The following DNHD1 variants were observed in gnomAD, a reference collection of about 807,000 sequenced individuals.
DNHD1 encodes dynein heavy chain domain-containing protein 1.
Under a neutral mutation model 458.1 loss-of-function variants are expected in DNHD1, and 383 were observed. The observed-to-expected ratio is 0.84, with a 90% CI of 0.77 to 0.91. DNHD1 has a LOEUF of 0.91. DNHD1 is among the 40% of genes least tolerant of loss of function. The pLI is 0.00. For synonymous variants in DNHD1, 2,203 were observed against 2,376.9 expected (o/e 0.93, Z 2.13); for missense variants, 5,336 against 5,866.1 (o/e 0.91, Z 2.95).
In DNHD1 at chr11:6,561,895, A is replaced by G. The variant is rs866900544; in HGVS notation, c.9520-1087A>G. On this transcript the variant is annotated intron_variant, in intron 28 of 42. Transcript: ENST00000254579. ...GGAAAGTAGCGTGCTAGGAGAGAGA[A>G]AAGAGATGAGATTGAAATGATGAGT... is the stretch of plus-strand genomic sequence containing the variant. Among the ~76,000 whole-genome samples, 21 of 152,330 alleles carry G rather than the reference A, an allele frequency of 1.4e-4. No individual in the cohort carries two copies. The Middle Eastern group carries it at 0.014, about 99-fold the overall frequency.
chr11:6,546,385 G>A lies in DNHD1; in HGVS notation c.5446G>A (p.Ala1816Thr). 6.4e-7 allele frequency: 1 copy of A among 1,552,100 alleles called. No homozygotes were observed. Among genetic ancestry groups the A allele is most frequent in the Non-Finnish European group, 8.7e-7 (1 of 1,147,070 alleles). Residue 1816 changes from alanine (A) to threonine (T), a missense_variant, in exon 21 of 43, where the codon GCC (alanine) becomes ACC (threonine). This residue lies in a region of DNHD1 where 3,932 missense variants were observed against 4,365.6 expected (regional missense o/e 0.90). Coordinates refer to ENST00000254579, the MANE Select transcript of DNHD1 (RefSeq NM_144666.3). ...VLRALSSAVPANLHLLLRPVA... is the reference protein window; with the variant it reads ...VLRALSSAVPTNLHLLLRPVA... ...GCGTGCCCTGAGCTCTGCTGTGCCTGCCAACCTGCACCTGCTGCTGCGGCC... is the reference window on the plus strand; with the variant it reads ...GCGTGCCCTGAGCTCTGCTGTGCCTACCAACCTGCACCTGCTGCTGCGGCC...
chr11:6,553,704 A>G (rs1853407322), intron 24 of DNHD1, among the ~76,000 whole-genome samples: 1 of 152,224 alleles, frequency 6.6e-6, no homozygotes, highest in Non-Finnish European at 1.5e-5. Flanking sequence ...ATATCCTAGT[A>G]ACAAAACATT....
rs1589881771 is a variant in DNHD1 at position 6,539,423 on chromosome 11, T to C, written c.3420+110T>C. Reference sequence around the variant, plus strand: ...ATGTGATTTAATGTGGGGTTGAGCCTGCTAACCTGCCTGAAGGGCAGGAAC... The same window carrying C: ...ATGTGATTTAATGTGGGGTTGAGCCCGCTAACCTGCCTGAAGGGCAGGAAC... On this transcript the variant is annotated intron_variant, in intron 17 of 42. Transcript: ENST00000254579. The C allele has an allele frequency of 5.0e-6, 4 of 805,836 alleles. No homozygotes were observed. The Admixed American group carries it at 6.8e-5, about 14-fold the overall frequency. The allele number at this position is 805,836 out of a possible 1,614,324, so 49.9% of individuals were successfully genotyped here. A position where few individuals can be genotyped will look rare whatever the true frequency, so the allele number is the denominator to read the frequency against.
chr11:6,563,768 G>A lies in DNHD1; in HGVS notation c.9928G>A (p.Gly3310Ser). Reference sequence around the variant, plus strand: ...GTTACATCTAATTCTGAAGGCTCCAGGTATGGACGATGCAGCCCTGCGGGC... The same window carrying A: ...GTTACATCTAATTCTGAAGGCTCCAAGTATGGACGATGCAGCCCTGCGGGC... Reference protein sequence around the residue: ...IKLHLILKAPGMDDAALRAVS... With the variant: ...IKLHLILKAPSMDDAALRAVS... Residue 3310 changes from glycine (G) to serine (S), a missense_variant, in exon 31 of 43, where the codon GGT becomes AGT. Gly to Ser is a moderately conservative substitution (Grantham distance 56). Transcript: ENST00000254579. 2 of 1,551,620 alleles carry A rather than the reference G, an allele frequency of 1.3e-6. No individual in the cohort carries two copies. The highest frequency in any genetic ancestry group is 1.7e-6 in the Non-Finnish European group (2 of 1,146,992).
chr11:6,508,652 G>T (rs1852273151), intron 4 of DNHD1: 1 of 528,364 alleles, frequency 1.9e-6, no homozygotes, highest in Non-Finnish European at 3.3e-6. Context: ...CTTGGAGCTG[G>T]CTAGGTGCCT....
chr11:6,565,323 C>T (rs569381576), intron 32 of DNHD1, among the ~76,000 whole-genome samples: 15 of 152,220 alleles, frequency 9.9e-5, no homozygotes, highest in Admixed American at 9.8e-4. Flanking sequence ...AGTGCCCTTA[C>T]AAGAGGCAGA....
intron 24 of DNHD1, among the ~76,000 whole-genome samples, chr11:6,550,114 A>T (rs561304305): frequency 6.6e-6 from 1 of 152,232 alleles, no homozygotes; most frequent in East Asian, 1.9e-4. Flanking sequence ...AATATCTACT[A>T]TGTGCTCTAT....
At position 6,549,238 on chromosome 11, in the gene DNHD1, G is replaced by A. The variant is rs142115532; in HGVS notation, c.7387+305G>A. 2.1e-4 allele frequency among the ~76,000 whole-genome samples: 32 copies of A among 152,216 alleles called. 1 individual carries two copies. In the South Asian group the frequency reaches 4.2e-3, roughly 20 times the overall value. ...GTTGGTACCTCAGACCCAACCCTGAGCTCATCATCTCCCCGCGGCCAAAAT... is the reference window on the plus strand; with the variant it reads ...GTTGGTACCTCAGACCCAACCCTGAACTCATCATCTCCCCGCGGCCAAAAT... On this transcript the variant is annotated intron_variant, in intron 24 of 42. Coordinates refer to ENST00000254579, the MANE Select transcript of DNHD1 (RefSeq NM_144666.3).
At position 6,571,001 on chromosome 11, in the gene DNHD1, G is replaced by A. The variant is rs576546890; in HGVS notation, c.13489G>A (p.Gly4497Ser). 1.0e-4 allele frequency: 160 copies of A among 1,600,540 alleles called. 1 individual carries two copies. Among genetic ancestry groups the A allele is most frequent in the Middle Eastern group, 5.0e-4 (3 of 6,000 alleles). Reference sequence around the variant, plus strand: ...GGCTCTAGAACTGAGCCAGTTGGTGGGCACGCTACAACGCGACCTTGATTG... The same window carrying A: ...GGCTCTAGAACTGAGCCAGTTGGTGAGCACGCTACAACGCGACCTTGATTG... ...TEALELSQLV[G>S]TLQRDLDCLL... Residue 4497 changes from glycine to serine, a missense_variant, in exon 42 of 43, where the codon GGC becomes AGC. Gly to Ser is a moderately conservative substitution (Grantham distance 56). This residue lies in a region of DNHD1 where 698 missense variants were observed against 664.9 expected (regional missense o/e 1.05). Transcript: ENST00000254579. The surrounding 1 kb of genome is among the most constrained non-coding windows in gnomAD (Gnocchi z 5.0).
intron 14 of DNHD1, among the ~76,000 whole-genome samples, chr11:6,538,084 A>G (rs1227360312): frequency 2.0e-5 from 3 of 152,230 alleles, no homozygotes; most frequent in Non-Finnish European, 2.9e-5. Flanking sequence ...CATCTCAGCC[A>G]TAGTAAAGCG....
Position 6,545,035 on chromosome 11 carries a change from G to A in DNHD1, c.4096G>A (p.Glu1366Lys). 6.4e-7 allele frequency: 1 copy of A among 1,551,898 alleles called. No individual in the cohort carries two copies. The highest frequency in any genetic ancestry group is 1.4e-5 in the African/African-American group (1 of 73,178). The change falls in exon 21 of 43, where the codon GAG becomes AAG. Residue 1366 changes from glutamate to lysine, a missense_variant. By Grantham distance (56) the Glu-to-Lys change is moderately conservative. Around this residue, in one of 4 missense-constraint regions of DNHD1, gnomAD observed 3,932 missense variants for 4,365.6 expected, o/e 0.90. Coordinates refer to ENST00000254579, the MANE Select transcript of DNHD1 (RefSeq NM_144666.3). This position sits in a 1 kb window ranked among gnomAD's most constrained non-coding sequence, Gnocchi z 4.9. ...FPRLFFLSDS[E>K]LVALLAARLE... ...CCGCCTCTTCTTCCTTAGTGACAGTGAGCTGGTAGCCCTGCTGGCTGCTCG... is the reference window on the plus strand; with the variant it reads ...CCGCCTCTTCTTCCTTAGTGACAGTAAGCTGGTAGCCCTGCTGGCTGCTCG...
chr11:6,529,171 T>G, intron 12 of DNHD1, 50 bp downstream of exon 12: 2 of 1,541,632 alleles, frequency 1.3e-6, no homozygotes, highest in South Asian at 1.2e-5. Flanking sequence ...TGTATGTCTA[T>G]TCACATGGCC....
At position 6,502,829 on chromosome 11, in the gene DNHD1, T is replaced by C; in HGVS notation, c.823T>C (p.Phe275Leu). 1 of 1,613,306 alleles carries C rather than the reference T, an allele frequency of 6.2e-7. No homozygotes were observed. Among genetic ancestry groups the C allele is most frequent in the Non-Finnish European group, 8.5e-7 (1 of 1,179,666 alleles). ...CACCGGCTTTTCACCTGAGACTTCCTTCCTGGATAGCCAGGTGATGACTGC... is the reference window on the plus strand; with the variant it reads ...CACCGGCTTTTCACCTGAGACTTCCCTCCTGGATAGCCAGGTGATGACTGC... The part of the protein sequence containing the change: ...SSTGFSPETS[F>L]LDSQVMTALK... The change falls in exon 4 of 43, where the codon TTC becomes CTC. Residue 275 changes from phenylalanine (F) to leucine (L), a missense_variant. By Grantham distance (22) the Phe-to-Leu change is conservative (BLOSUM62 0). Transcript: ENST00000254579.
chr11:6,521,699 C>A (rs1341511366), intron 10 of DNHD1, among the ~76,000 whole-genome samples: 2 of 152,162 alleles, frequency 1.3e-5, no homozygotes, highest in African/African-American at 4.8e-5. Context: ...AAATCAGATT[C>A]ATATAATTGA....
intron 7 of DNHD1, among the ~76,000 whole-genome samples, chr11:6,513,108 G>C (rs1249656645): frequency 6.6e-6 from 1 of 152,132 alleles, no homozygotes; most frequent in Non-Finnish European, 1.5e-5. Context: ...TGAGGCAGGA[G>C]ATGGGGGTGA....
rs1414339282 is a variant in DNHD1 at position 6,528,567 on chromosome 11, A to G, written c.1883A>G (p.Lys628Arg). The G allele has an allele frequency of 2.6e-6, 4 of 1,551,036 alleles. No homozygotes were observed. In the African/African-American group the frequency reaches 5.5e-5, roughly 21 times the overall value. The change falls in exon 11 of 43, where the codon AAG becomes AGG. Residue 628 changes from lysine (K) to arginine (R), a missense_variant. By Grantham distance (26) the Lys-to-Arg change is conservative. Around this residue, in one of 4 missense-constraint regions of DNHD1, gnomAD observed 3,932 missense variants for 4,365.6 expected, o/e 0.90. Coordinates refer to ENST00000254579, the MANE Select transcript of DNHD1 (RefSeq NM_144666.3). ...EDSKDEFLMP[K>R]FQGQPSDAVS... ...TCAAAAGACGAATTTCTGATGCCCA[A>G]GTTCCAGGGCCAGCCCAGCGATGCT...
rs1345287485 is a variant in DNHD1, at chr11:6,546,088, A to G, written c.5149A>G (p.Ile1717Val). 2 of 1,551,422 alleles carry G rather than the reference A, an allele frequency of 1.3e-6. No individual in the cohort carries two copies. Among genetic ancestry groups the G allele is most frequent in the Non-Finnish European group, 8.7e-7 (1 of 1,146,838 alleles). The change falls in exon 21 of 43, where the codon ATA becomes GTA. Residue 1717 changes from isoleucine (I) to valine (V), a missense_variant. Transcript: ENST00000254579. Reference sequence around the variant, plus strand: ...GGTGATGCTACCCTGCTCACCTCAGATAGAGGCTCAATGCCTGAGCAACTA... The same window carrying G: ...GGTGATGCTACCCTGCTCACCTCAGGTAGAGGCTCAATGCCTGAGCAACTA... ...QLVMLPCSPQIEAQCLSNYLN... is the reference protein window; with the variant it reads ...QLVMLPCSPQVEAQCLSNYLN...
At chr11:6,560,336 G>A (rs551595668) in intron 28 of DNHD1, among the ~76,000 whole-genome samples, 48 of 152,164 alleles carry the variant, frequency 3.2e-4, no homozygotes, top group African/African-American at 1.1e-3. Context: ...GGCATATGTC[G>A]TGTCTACTAA....
At chr11:6,534,461 G>A (rs1428265957) in intron 14 of DNHD1, among the ~76,000 whole-genome samples, 3 of 152,154 alleles carry the variant, frequency 2.0e-5, no homozygotes, top group South Asian at 4.1e-4. Context: ...CTAAAAGCAT[G>A]TGTGGGAGAA....
Sources: allele counts gnomAD v4.1 joint callset (sites outside exome capture counted in the v4.1 genomes callset), GRCh38; gene constraint gnomAD v4.1.1; regional missense constraint gnomAD v4.1.1; non-coding constraint Gnocchi (gnomAD v3.1); transcripts MANE v1.5; gene names NCBI Gene and HGNC (gene_info 2026-07-23, HGNC 2026-07-21).